ESYT2: variants seen among roughly 807,000 people sequenced by gnomAD.
ESYT2 encodes extended synaptotagmin 2, also known as extended synaptotagmin-2.
In ESYT2, 54 loss-of-function variants were observed where a neutral mutation model predicts 107.2. The observed-to-expected ratio is 0.50, with a 90% CI of 0.40 to 0.63. The LOEUF (loss-of-function observed/expected upper bound fraction) is 0.63, where lower values mean the gene tolerates loss of function less well. Ranked by LOEUF, ESYT2 falls within the 30% of genes least tolerant of loss-of-function variation. The pLI, the probability that ESYT2 is intolerant of heterozygous loss-of-function variation, is 0.00. For missense variants in ESYT2, 1,020 were observed against 1,094.5 expected (o/e 0.93, Z 0.96); for synonymous variants, 491 against 434.1 (o/e 1.13, Z -1.63).
chr7:158,755,093 C>T (rs1349689486), intron 13 of ESYT2, among the ~76,000 whole-genome samples: 2 of 152,166 alleles, frequency 1.3e-5, no homozygotes, highest in Non-Finnish European at 2.9e-5. Flanking sequence ...AGGTCGTTTC[C>T]AGCCTACGAA....
intron 1 of ESYT2, 35 bp from the exon 2 acceptor site, chr7:158,799,107 TC>T: frequency 6.4e-7 from 1 of 1,573,360 alleles, no homozygotes; most frequent in Non-Finnish European, 8.7e-7. Flanking sequence ...ACTTATTAAC[TC>T]CCAACAACTG....
At chr7:158,804,124 T>C (rs370038960) in intron 1 of ESYT2, among the ~76,000 whole-genome samples, 10 of 18,634 alleles carry the variant, frequency 5.4e-4, no homozygotes, top group South Asian at 3.3e-3. Context: ...ACCCAAACCG[T>C]CGAGAAGGGT....
intron 17 of ESYT2, among the ~76,000 whole-genome samples, chr7:158,742,130 T>C (rs1029035138): frequency 6.6e-6 from 1 of 152,136 alleles, no homozygotes; most frequent in Admixed American, 6.5e-5. Flanking sequence ...GCTGTAGCTC[T>C]TCACAGGGGT....
At chr7:158,799,352 G>A (rs1427259820) in intron 1 of ESYT2, among the ~76,000 whole-genome samples, 1 of 152,138 alleles carries the variant, frequency 6.6e-6, no homozygotes, top group Non-Finnish European at 1.5e-5. Flanking sequence ...GAAATTCACT[G>A]GAATCTGAAA....
intron 10 of ESYT2, 126 bp downstream of exon 10, chr7:158,762,957 A>T (rs891268125): frequency 3.5e-6 from 2 of 564,726 alleles, no homozygotes; most frequent in East Asian, 3.1e-5. Flanking sequence ...AACAATTGTT[A>T]TATCTAAGAA....
At chr7:158,771,778 G>A (rs1426506721) in intron 7 of ESYT2, among the ~76,000 whole-genome samples, 1 of 152,168 alleles carries the variant, frequency 6.6e-6, no homozygotes, top group African/African-American at 2.4e-5. Flanking sequence ...CTCAGAGCAG[G>A]CAGTGGGCGC....
rs141170330 is a variant in ESYT2, at chr7:158,753,995, G to C, written c.1420-1152C>G. On this transcript the variant is annotated intron_variant, in intron 13 of 22. Coordinates refer to ENST00000275418, the MANE Select transcript of ESYT2 (RefSeq NM_001367773.1). The stretch of plus-strand genomic sequence containing the variant: ...CATCAAGTAAAGTAAAACAAGGAGA[G>C]AGGCTGCGGTGTGTGGGTAGGGGAT... Among the ~76,000 whole-genome samples, 37 of 152,216 alleles carry C rather than the reference G, an allele frequency of 2.4e-4. No homozygotes were observed. The East Asian group carries it at 7.2e-3, about 29-fold the overall frequency.
At chr7:158,764,345 C>T (rs1187819396) in intron 9 of ESYT2, among the ~76,000 whole-genome samples, 1 of 152,184 alleles carries the variant, frequency 6.6e-6, no homozygotes, top group Non-Finnish European at 1.5e-5. Flanking sequence ...TAACTAACCT[C>T]ATTTTTGTGT....
intron 20 of ESYT2, 40 bp from the exon 21 acceptor site, chr7:158,735,648 T>C (rs1836911513): frequency 6.5e-7 from 1 of 1,540,954 alleles, no homozygotes; most frequent in Non-Finnish European, 9.0e-7. Context: ...TCCATCATTC[T>C]GCTGTATTTT....
At chr7:158,816,532 G>A (rs956992187) in intron 1 of ESYT2, among the ~76,000 whole-genome samples, 1 of 152,178 alleles carries the variant, frequency 6.6e-6, no homozygotes, top group Non-Finnish European at 1.5e-5. Flanking sequence ...AGCCTCCAGA[G>A]TGCACACCCT....
chr7:158,782,331 CAG>C (rs1838897046), intron 6 of ESYT2, among the ~76,000 whole-genome samples: 1 of 136,296 alleles, frequency 7.3e-6, no homozygotes, highest in Admixed American at 7.5e-5. Flanking sequence ...AGTGTGAGAA[CAG>C]TGTGAGGTGT....
chr7:158,803,150 G>C (rs1187665226), intron 1 of ESYT2, among the ~76,000 whole-genome samples: 1 of 152,234 alleles, frequency 6.6e-6, no homozygotes, highest in Non-Finnish European at 1.5e-5. Flanking sequence ...GCATAGGTGG[G>C]GGCCAACGCG....
intron 4 of ESYT2, among the ~76,000 whole-genome samples, chr7:158,791,430 C>T (rs1035800829): frequency 2.6e-5 from 4 of 152,178 alleles, no homozygotes; most frequent in African/African-American, 7.2e-5. Flanking sequence ...TCAATTCTTT[C>T]GGGTATGTAC....
intron 1 of ESYT2, among the ~76,000 whole-genome samples, chr7:158,809,204 G>A (rs1001279898): frequency 2.0e-5 from 3 of 151,678 alleles, no homozygotes; most frequent in Non-Finnish European, 4.4e-5. Flanking sequence ...GGCGTGGTGC[G>A]TGGTGGCTCA....
intron 6 of ESYT2, among the ~76,000 whole-genome samples, chr7:158,785,160 C>A (rs141799134): frequency 6.6e-6 from 1 of 152,094 alleles, no homozygotes; most frequent in Non-Finnish European, 1.5e-5. Context: ...CGGTGGCTCA[C>A]GCCTGTAATC....
At chr7:158,768,209 A>T (rs1838231387) in intron 7 of ESYT2, among the ~76,000 whole-genome samples, 1 of 152,214 alleles carries the variant, frequency 6.6e-6, no homozygotes, top group South Asian at 2.1e-4. Context: ...ATAAGTACAG[A>T]GAATAACATT....
At chr7:158,812,451 G>T (rs1417400885) in intron 1 of ESYT2, among the ~76,000 whole-genome samples, 1 of 152,164 alleles carries the variant, frequency 6.6e-6, no homozygotes, top group Non-Finnish European at 1.5e-5. Flanking sequence ...AATAAAAACA[G>T]AAAAACACAA....
rs181401945 is a variant in ESYT2, at chr7:158,797,931, A to G, written c.507+11T>C. On this transcript the variant is annotated intron_variant, in intron 3 of 22. Coordinates refer to ENST00000275418, the MANE Select transcript of ESYT2 (RefSeq NM_001367773.1). ...CTGTGTGCACGTGAGGATACTTAAG[A>G]GAACACTGACCTGCTGGCCCACGTC... is the stretch of plus-strand genomic sequence containing the variant. The G allele has an allele frequency of 6.2e-7, 1 of 1,613,170 alleles. No individual in the cohort carries two copies. The highest frequency in any genetic ancestry group is 8.5e-7 in the Non-Finnish European group (1 of 1,179,700).
rs76029448 is a variant in ESYT2, at chr7:158,771,377, A to G, written c.803+1964T>C. Among the ~76,000 whole-genome samples the G allele has an allele frequency of 1.7e-4, 26 of 152,300 alleles. No homozygotes were observed. The East Asian group carries it at 4.8e-3, about 28-fold the overall frequency. ...GTATCTCCTCCCCCTATTTCTAGAG[A>G]AAGTTTTTGCTTTGGGGGATGCCCC... On this transcript the variant is annotated intron_variant, in intron 7 of 22. Coordinates refer to ENST00000275418, the MANE Select transcript of ESYT2 (RefSeq NM_001367773.1).
Sources: allele counts gnomAD v4.1 joint callset (sites outside exome capture counted in the v4.1 genomes callset), GRCh38; gene constraint gnomAD v4.1.1; transcripts MANE v1.5; gene names NCBI Gene and HGNC (gene_info 2026-07-23, HGNC 2026-07-21).